The following KIRREL2 variants were observed in gnomAD, a reference collection of about 807,000 sequenced individuals.
KIRREL2 encodes kirre like nephrin family adhesion molecule 2.
Under a neutral mutation model 73.4 loss-of-function variants are expected in KIRREL2, and 56 were observed. That is an observed-to-expected ratio of 0.76 (90% CI 0.62 to 0.95). The LOEUF is 0.95. Among genes scored for constraint, KIRREL2 ranks in the 40% least tolerant of loss-of-function variants. The probability of loss-of-function intolerance (pLI) is 0.00; values close to 1 mark genes in which losing one functional copy is unlikely to be tolerated. For synonymous variants in KIRREL2, 407 were observed against 404.0 expected (o/e 1.01, Z -0.09); for missense variants, 896 against 935.0 (o/e 0.96, Z 0.54).
chr19:35,854,586 G>A (rs1973364436), upstream of KIRREL2, among the ~76,000 whole-genome samples: 1 of 152,180 alleles, frequency 6.6e-6, no homozygotes, highest in Non-Finnish European at 1.5e-5. Flanking sequence ...GCCTCCCAAA[G>A]TGCTGGGATT....
chr19:35,859,535 C>A lies in KIRREL2; in HGVS notation c.577C>A (p.Pro193Thr). The change falls in exon 5 of 15, where the codon CCT becomes ACT. Residue 193 changes from proline to threonine, a missense_variant. Physicochemically the swap from Pro to Thr is conservative, Grantham distance 38 (BLOSUM62 -1). Transcript: ENST00000360202. ...AGTGGAGAGCACCTTAACCCTGACCCCTTTCAGCCATGATGATGGAGCCAC... is the reference window on the plus strand; with the variant it reads ...AGTGGAGAGCACCTTAACCCTGACCACTTTCAGCCATGATGATGGAGCCAC... Reference protein sequence around the residue: ...GSVESTLTLTPFSHDDGATFV... With the variant: ...GSVESTLTLTTFSHDDGATFV... 6.2e-7 allele frequency: 1 copy of A among 1,614,138 alleles called. No individual in the cohort carries two copies. The highest frequency in any genetic ancestry group is 8.5e-7 in the Non-Finnish European group (1 of 1,180,000).
At chr19:35,856,760 G>T (rs972209100), upstream of KIRREL2, 20 of 404,570 alleles carry the variant, frequency 4.9e-5, no homozygotes, top group Admixed American at 3.2e-4. The surrounding 1 kb of genome is among the most constrained non-coding windows in gnomAD (Gnocchi z 5.9). Context: ...CCCCAATTGA[G>T]CTGGGGGCGC....
At chr19:35,851,511 C>T (rs557710851), upstream of KIRREL2, 15 of 1,613,710 alleles carry the variant, frequency 9.3e-6, no homozygotes, top group Admixed American at 5.0e-5. Context: ...ATCCTGGGGT[C>T]GGGGCCCAGG....
At chr19:35,865,122 T>C (rs1973911609) in intron 14 of KIRREL2, among the ~76,000 whole-genome samples, 2 of 149,046 alleles carry the variant, frequency 1.3e-5, no homozygotes, top group East Asian at 3.9e-4. Context: ...GCCAGAGCAC[T>C]TCTCTCTCTC....
upstream of KIRREL2, among the ~76,000 whole-genome samples, chr19:35,855,706 CAT>C (rs1555765245): frequency 0.039 from 3,499 of 90,452 alleles, 250 homozygotes; most frequent in East Asian, 0.076. Flanking sequence ...CACACACACA[CAT>C]ACACACAGGA....
At chr19:35,862,752 A>G (rs574121125) in intron 12 of KIRREL2, among the ~76,000 whole-genome samples, 155 bp downstream of exon 12, 1 of 152,168 alleles carries the variant, frequency 6.6e-6, no homozygotes, top group South Asian at 2.1e-4. Flanking sequence ...TCCCTCCTTA[A>G]GCCCTAACTA....
At chr19:35,857,219 T>TTTTTGGGGGGGGGGGG (rs2146848727) in intron 1 of KIRREL2, 39 bp downstream of exon 1, 5 of 631,698 alleles carry the variant, frequency 7.9e-6, no homozygotes, top group South Asian at 2.1e-5. Flanking sequence ...GGGGTGGGGG[T>TTTTTGGGGGGGGGGGG]GGGGAGTTGC....
chr19:35,863,429 T>A (rs1973800485), intron 13 of KIRREL2, among the ~76,000 whole-genome samples: 1 of 148,250 alleles, frequency 6.7e-6, no homozygotes, highest in Non-Finnish European at 1.5e-5. Context: ...TCTCCATTTT[T>A]TTTTTTTTTT....
rs368762977 is a variant in KIRREL2 at position 35,862,530 on chromosome 19, C to T, written c.1548C>T (p.Ala516=). The T allele has an allele frequency of 6.7e-5, 108 of 1,610,426 alleles. No homozygotes were observed. Among genetic ancestry groups the T allele is most frequent in the Non-Finnish European group, 8.6e-5 (102 of 1,179,982 alleles). ...LPTVRIVAGV[A]AATTTLLMVI... ...CTGTGCGGATAGTGGCCGGAGTGGC[C>T]GCTGCCACCACAACTCTCCTTATGG... Residue 516 remains alanine, a synonymous_variant, in exon 12 of 15, where the codon GCC becomes GCT. Transcript: ENST00000360202.
rs1014830963 is a variant in KIRREL2 at position 35,861,445 on chromosome 19, A to C, written c.1190-96A>C. ...GGAGGCGGCGTGGCCTGATTGATTG[A>C]GGTTAGCGGAGAGTGCGCTGGACAG... On this transcript the variant is annotated intron_variant, in intron 9 of 14. Transcript: ENST00000360202. The C allele has an allele frequency of 2.9e-5, 42 of 1,458,056 alleles. No homozygotes were observed. The Admixed American group carries it at 8.6e-4, about 30-fold the overall frequency. 90.3% of individuals were successfully genotyped at this position (1,458,056 alleles called of 1,614,324 possible).
chr19:35,855,143 G>A (rs1324402715), upstream of KIRREL2, among the ~76,000 whole-genome samples: 1 of 151,918 alleles, frequency 6.6e-6, no homozygotes, highest in Non-Finnish European at 1.5e-5. Flanking sequence ...TTGACTCCTT[G>A]CCCTCCTCCC....
Position 35,857,185 on chromosome 19 carries a change from C to T in KIRREL2, c.61+5C>T. 2 of 1,600,800 alleles carry T rather than the reference C, an allele frequency of 1.2e-6. No individual in the cohort carries two copies. Among genetic ancestry groups the T allele is most frequent in the Non-Finnish European group, 1.7e-6 (2 of 1,172,454 alleles). On this transcript the variant is annotated splice_donor_5th_base_variant and intron_variant, in intron 1 of 14. Coordinates refer to ENST00000360202, the MANE Select transcript of KIRREL2 (RefSeq NM_199180.4). Reference sequence around the variant, plus strand: ...TCTGCTTCAGAGGGAGAGCAGGTACCGCACGAGGGGAGCGGAGGAATATGG... The same window carrying T: ...TCTGCTTCAGAGGGAGAGCAGGTACTGCACGAGGGGAGCGGAGGAATATGG...
upstream of KIRREL2, among the ~76,000 whole-genome samples, chr19:35,854,553 C>T (rs889569280): frequency 9.2e-5 from 14 of 151,962 alleles, no homozygotes; most frequent in South Asian, 4.1e-4. Context: ...GAACTCCTGA[C>T]CTCAGGTGAT....
In KIRREL2 at chr19:35,860,925, G is replaced by A. The variant is rs763988199; in HGVS notation, c.945G>A (p.Gln315=). The part of the protein sequence containing the change: ...ALDVLFGPIL[Q]AKPEPVSVDV... ...TTCGTCCAGTTGGGCCGATTCTGCA[G>A]GCAAAGCCGGAGCCCGTGTCCGTGG... is the stretch of plus-strand genomic sequence containing the variant. Residue 315 remains glutamine, a synonymous_variant, in exon 8 of 15, where the codon CAG becomes CAA. Coordinates refer to ENST00000360202, the MANE Select transcript of KIRREL2 (RefSeq NM_199180.4). 3.1e-6 allele frequency: 5 copies of A among 1,614,016 alleles called. No individual in the cohort carries two copies. The South Asian group carries it at 4.4e-5, about 14-fold the overall frequency.
chr19:35,857,679 A>G (rs1973484224), intron 2 of KIRREL2, among the ~76,000 whole-genome samples, 185 bp downstream of exon 2: 1 of 152,128 alleles, frequency 6.6e-6, no homozygotes. Context: ...GGGAATTATT[A>G]TGTTATTGCA....
Position 35,857,152 on chromosome 19 carries a change from C to T in KIRREL2, c.33C>T (p.Val11=). Residue 11 remains valine (V), a synonymous_variant, in exon 1 of 15, where the codon GTC becomes GTT. Coordinates refer to ENST00000360202, the MANE Select transcript of KIRREL2 (RefSeq NM_199180.4). ...GGATGCGGGTCCCCGCCCTCCTCGT[C>T]CTCCTCTTCTGCTTCAGAGGGAGAG... MLRMRVPALL[V]LLFCFRGRAG... is the part of the protein sequence containing the mutation. 1 of 1,613,204 alleles carries T rather than the reference C, an allele frequency of 6.2e-7. No individual in the cohort carries two copies. The highest frequency in any genetic ancestry group is 8.5e-7 in the Non-Finnish European group (1 of 1,179,650).
At chr19:35,864,503 T>G (rs893593470) in intron 13 of KIRREL2, 145 bp from the exon 14 acceptor site, 4 of 602,540 alleles carry the variant, frequency 6.6e-6, no homozygotes, top group Non-Finnish European at 1.2e-5. Flanking sequence ...ACAGCCCTTT[T>G]ATTGTCCTGA....
chr19:35,859,693 G>C lies in KIRREL2; in HGVS notation c.673+62G>C, dbSNP rs763096303. The C allele has an allele frequency of 4.9e-5, 77 of 1,582,230 alleles. 1 individual carries two copies. In the South Asian group the frequency reaches 8.3e-4, roughly 17 times the overall value. ...GCCCTGACTCCTGGGTATGAGGAAG[G>C]AGGGGACTGTGGCCCTTGGGGAATG... On this transcript the variant is annotated intron_variant, in intron 5 of 14. Transcript: ENST00000360202.
intron 3 of KIRREL2, 30 bp downstream of exon 3, chr19:35,858,587 A>T: frequency 6.2e-7 from 1 of 1,613,006 alleles, no homozygotes; most frequent in Non-Finnish European, 8.5e-7. Context: ...GTCCCCTGGG[A>T]GCCCAAGAGG....
Sources: gnomAD v4.1 joint callset for allele counts (sites outside exome capture counted in the v4.1 genomes callset) on GRCh38, gnomAD v4.1.1 for gene constraint, Gnocchi (gnomAD v3.1) non-coding constraint, MANE v1.5 for transcripts, NCBI Gene and HGNC (gene_info 2026-07-23, HGNC 2026-07-21) for gene names.